Variants in CADPS2 observed in about 807,000 individuals in gnomAD.
CADPS2 encodes calcium dependent secretion activator 2, also known as calcium-dependent secretion activator 2.
Under a neutral mutation model 172.5 loss-of-function variants are expected in CADPS2, and 93 were observed. That is an observed-to-expected ratio of 0.54 (90% CI 0.46 to 0.64). CADPS2 has a LOEUF of 0.64. CADPS2 is among the 30% of genes least tolerant of loss of function. CADPS2 has a pLI of 0.00. For synonymous variants in CADPS2, 546 were observed against 555.2 expected, an observed-to-expected ratio of 0.98 and a Z score of 0.23; for missense variants, 1,420 against 1,565.9, an observed-to-expected ratio of 0.91 and a Z score of 1.57.
intron 17 of CADPS2, among the ~76,000 whole-genome samples, chr7:122,417,781 C>T (rs1237221720): frequency 3.3e-5 from 5 of 152,254 alleles, no homozygotes; most frequent in Admixed American, 1.3e-4. Context: ...CTAGGGGAGA[C>T]ATCGGGGGAA....
intron 1 of CADPS2, among the ~76,000 whole-genome samples, chr7:122,781,440 G>A (rs1281437444): frequency 6.6e-6 from 1 of 151,988 alleles, no homozygotes; most frequent in Non-Finnish European, 1.5e-5. Context: ...CTAAATCCAA[G>A]ATTCTGTCTT....
chr7:122,345,918 C>CTTTTTTTTTTTTTTTTTTTT (rs71159791), intron 27 of CADPS2, among the ~76,000 whole-genome samples: 5 of 138,754 alleles, frequency 3.6e-5, no homozygotes, highest in Non-Finnish European at 6.1e-5. Context: ...CCGTAGATAT[C>CTTTTTTTTTTTTTTTTTTTT]TTTTTTTTTT....
intron 1 of CADPS2, among the ~76,000 whole-genome samples, chr7:122,770,757 G>A (rs558448856): frequency 4.6e-5 from 7 of 152,296 alleles, no homozygotes; most frequent in African/African-American, 1.7e-4. Flanking sequence ...CACCCACAGG[G>A]CAGATGTGGA....
intron 1 of CADPS2, among the ~76,000 whole-genome samples, chr7:122,839,715 C>T (rs1171333999): frequency 2.0e-5 from 3 of 152,008 alleles, no homozygotes; most frequent in Non-Finnish European, 4.4e-5. Flanking sequence ...AAATGCAAAT[C>T]AAAACCACAA....
At chr7:122,819,904 G>A (rs1004283776) in intron 1 of CADPS2, among the ~76,000 whole-genome samples, 4 of 151,848 alleles carry the variant, frequency 2.6e-5, no homozygotes, top group South Asian at 2.1e-4. Flanking sequence ...CCCACTCAAC[G>A]CCAATATCCC....
chr7:122,441,697 C>T (rs2051374668), intron 15 of CADPS2, 122 bp from the exon 16 acceptor site: 1 of 535,094 alleles, frequency 1.9e-6, no homozygotes, highest in South Asian at 4.1e-5. Context: ...AATATTATAG[C>T]ATGAACTCAT....
intron 28 of CADPS2, among the ~76,000 whole-genome samples, chr7:122,334,297 A>G (rs2035494565): frequency 6.6e-6 from 1 of 152,156 alleles, no homozygotes; most frequent in African/African-American, 2.4e-5. Flanking sequence ...CCAAGCAGGG[A>G]GCTGCCTCTC....
intron 1 of CADPS2, among the ~76,000 whole-genome samples, chr7:122,882,554 T>A (rs559849607): frequency 2.8e-4 from 42 of 152,068 alleles, no homozygotes; most frequent in Admixed American, 4.6e-4. Context: ...AGGTACTTAA[T>A]CTCTTCTATG....
At chr7:122,562,624 T>A (rs1222539185) in intron 7 of CADPS2, among the ~76,000 whole-genome samples, 1 of 152,172 alleles carries the variant, frequency 6.6e-6, no homozygotes, top group Non-Finnish European at 1.5e-5. Flanking sequence ...AACAAGAAAC[T>A]AATGTGTAGA....
intron 6 of CADPS2, among the ~76,000 whole-genome samples, chr7:122,596,005 A>G (rs1421126053): frequency 6.6e-6 from 1 of 152,074 alleles, no homozygotes; most frequent in Non-Finnish European, 1.5e-5. Context: ...GTGACATGTC[A>G]CAAGCAGCCT....
intron 20 of CADPS2, among the ~76,000 whole-genome samples, chr7:122,397,875 C>G (rs1205531532): frequency 6.6e-6 from 1 of 152,142 alleles, no homozygotes; most frequent in Non-Finnish European, 1.5e-5. Context: ...GTGAAAAGGG[C>G]TGCTCAGAAT....
chr7:122,388,514 G>T, intron 23 of CADPS2, 69 bp downstream of exon 23: 3 of 1,404,336 alleles, frequency 2.1e-6, no homozygotes, highest in East Asian at 2.4e-5. Context: ...TAATATATTA[G>T]GTACTTGATA....
At chr7:122,507,442 G>T (rs2059690293) in intron 9 of CADPS2, among the ~76,000 whole-genome samples, 1 of 152,118 alleles carries the variant, frequency 6.6e-6, no homozygotes, top group African/African-American at 2.4e-5. Flanking sequence ...TTTGGTGGGG[G>T]TATCTGGTGA....
chr7:122,388,647 C>A lies in CADPS2; in HGVS notation c.3100G>T (p.Ala1034Ser). 2 of 1,610,640 alleles carry A rather than the reference C, an allele frequency of 1.2e-6. No homozygotes were observed. Among genetic ancestry groups the A allele is most frequent in the Non-Finnish European group, 8.5e-7 (1 of 1,178,048 alleles). The change falls in exon 23 of 30, where the codon GCC (alanine) becomes TCC (serine). Residue 1034 changes from alanine (A) to serine (S), a missense_variant. Transcript: ENST00000449022. ...TTAAGTCTTTGCTCTAAGTGGTGGG[C>A]AAATTCCTGTTCTGGCCAGTGCAGA... ...FDLHWPEQEF[A>S]HHLEQRLKLM... is the part of the protein sequence containing the mutation.
chr7:122,558,991 T>C (rs1442328577), intron 7 of CADPS2, among the ~76,000 whole-genome samples: 3 of 152,160 alleles, frequency 2.0e-5, no homozygotes, highest in Admixed American at 2.0e-4. Context: ...TTCTCCCATA[T>C]ATGTCTCTTA....
rs889062538 is a variant in CADPS2 at position 122,638,729 on chromosome 7, A to T, written c.787-9401T>A. 3.9e-5 allele frequency among the ~76,000 whole-genome samples: 6 copies of T among 151,904 alleles called. No homozygotes were observed. The South Asian group carries it at 6.2e-4, about 16-fold the overall frequency. Reference sequence around the variant, plus strand: ...TGTGGGAAGTATGGATCCCCTGAGGACTCTTACTCACTAATTCTATCCCTG... The same window carrying T: ...TGTGGGAAGTATGGATCCCCTGAGGTCTCTTACTCACTAATTCTATCCCTG... On this transcript the variant is annotated intron_variant, in intron 3 of 29. Coordinates refer to ENST00000449022, the MANE Select transcript of CADPS2 (RefSeq NM_017954.11).
Position 122,513,301 on chromosome 7 carries a change from A to C in CADPS2, c.1490T>G (p.Leu497Arg). ...HMKHSGYLYALGQKVWKRWKK... is the reference protein window; with the variant it reads ...HMKHSGYLYARGQKVWKRWKK... ...CCATCTTTTCCAAACCTTCTGTCCA[A>C]GGGCATACAGATATCTGGAAAGAAA... Residue 497 changes from leucine to arginine, a missense_variant, in exon 9 of 30, where the codon CTT becomes CGT. Leu to Arg is a moderately radical substitution (Grantham distance 102, BLOSUM62 -2). Transcript: ENST00000449022. The C allele has an allele frequency of 6.4e-7, 1 of 1,559,846 alleles. No homozygotes were observed. The highest frequency in any genetic ancestry group is 2.4e-5 in the East Asian group (1 of 42,170).
In CADPS2 at chr7:122,661,479, T is replaced by C. The variant is rs536907447; in HGVS notation, c.786+1758A>G. 4.1e-4 allele frequency among the ~76,000 whole-genome samples: 62 copies of C among 152,288 alleles called. 1 individual carries two copies. Among genetic ancestry groups the C allele is most frequent in the Non-Finnish European group, 7.9e-4 (54 of 68,022 alleles). ...GTAACATCTAGTATATTCTAATCCATATGTAATAACTCATTTAGAGGTCTT... is the reference window on the plus strand; with the variant it reads ...GTAACATCTAGTATATTCTAATCCACATGTAATAACTCATTTAGAGGTCTT... On this transcript the variant is annotated intron_variant, in intron 3 of 29. Transcript: ENST00000449022.
At chr7:122,781,067 TATTA>T (rs757849313) in intron 1 of CADPS2, among the ~76,000 whole-genome samples, 7 of 152,332 alleles carry the variant, frequency 4.6e-5, no homozygotes, top group South Asian at 2.1e-4. Context: ...CACTCATGAT[TATTA>T]ATTAATACTT....
Sources: allele counts gnomAD v4.1 joint callset (sites outside exome capture counted in the v4.1 genomes callset), GRCh38; gene constraint gnomAD v4.1.1; transcripts MANE v1.5; gene names NCBI Gene and HGNC (gene_info 2026-07-23, HGNC 2026-07-21).